Variants in VTI1A observed in about 807,000 individuals in gnomAD.
VTI1A encodes vesicle transport through interaction with t-SNAREs homolog 1A.
A neutral mutation model predicts 34.9 loss-of-function variants in VTI1A; 22 were observed. The ratio of observed to expected loss-of-function variants is 0.63; its 90% confidence interval spans 0.45 to 0.90. VTI1A has a LOEUF of 0.90. Among genes scored for constraint, VTI1A ranks in the 40% least tolerant of loss-of-function variants. VTI1A has a pLI of 0.00. For missense variants in VTI1A, 268 were observed against 275.6 expected (o/e 0.97, Z 0.20); for synonymous variants, 87 against 97.3 (o/e 0.89, Z 0.62).
intron 5 of VTI1A, among the ~76,000 whole-genome samples, chr10:112,660,300 C>A (rs1473771777): frequency 1.3e-5 from 2 of 152,094 alleles, no homozygotes; most frequent in African/African-American, 2.4e-5. Context: ...GGGTTTCACC[C>A]TGTTGGCCAG....
chr10:112,819,595 C>T (rs745921641), downstream of VTI1A, among the ~76,000 whole-genome samples: 2 of 152,144 alleles, frequency 1.3e-5, no homozygotes, highest in Non-Finnish European at 2.9e-5. Flanking sequence ...TTACAAACAG[C>T]GCTTCCCTAA....
chr10:112,604,010 T>G (rs1286059568), intron 5 of VTI1A, among the ~76,000 whole-genome samples: 1 of 152,212 alleles, frequency 6.6e-6, no homozygotes, highest in Admixed American at 6.5e-5. Context: ...TGTGAGGCTG[T>G]CAGTGCCAGA....
chr10:112,736,064 A>G (rs1039528728), intron 7 of VTI1A, among the ~76,000 whole-genome samples: 3 of 144,704 alleles, frequency 2.1e-5, no homozygotes, highest in Middle Eastern at 3.6e-3. Flanking sequence ...TGTATAATAT[A>G]TTTTATATTT....
chr10:112,522,462 G>T (rs139335318), intron 3 of VTI1A, among the ~76,000 whole-genome samples: 11 of 152,160 alleles, frequency 7.2e-5, no homozygotes, highest in Non-Finnish European at 1.5e-5. Flanking sequence ...TTAGAATAAA[G>T]GGCTTGCTTA....
intron 7 of VTI1A, among the ~76,000 whole-genome samples, chr10:112,780,321 T>TAAATAAATAAAA (rs916963926): frequency 7.7e-5 from 10 of 130,238 alleles, no homozygotes; most frequent in South Asian, 2.5e-4. Context: ...AATAAATAAA[T>TAAATAAATAAAA]AAAATAATAA....
intron 5 of VTI1A, among the ~76,000 whole-genome samples, chr10:112,560,926 T>A (rs368378938): frequency 3.9e-4 from 60 of 152,070 alleles, no homozygotes; most frequent in African/African-American, 1.4e-3. Context: ...AGTTTCTCAC[T>A]AACCTTTAGC....
chr10:112,835,709 C>T, the VTI1A span, among the ~76,000 whole-genome samples: 1 of 151,810 alleles, frequency 6.6e-6, no homozygotes, highest in Admixed American at 6.6e-5. Context: ...CAAAATAAGC[C>T]TTAAAGCAAT....
At chr10:112,724,508 C>T (rs1043919717) in intron 7 of VTI1A, among the ~76,000 whole-genome samples, 2 of 151,994 alleles carry the variant, frequency 1.3e-5, no homozygotes, top group Admixed American at 6.6e-5. Flanking sequence ...CTCCTCCAAC[C>T]AATCAGAAAG....
chr10:112,485,054 G>A (rs1319210573), intron 3 of VTI1A: 5 of 152,016 alleles, frequency 3.3e-5, no homozygotes, highest in Admixed American at 2.6e-4. Flanking sequence ...GCCGAGGTGG[G>A]TGGATCACCT....
intron 5 of VTI1A, among the ~76,000 whole-genome samples, chr10:112,614,376 G>A (rs973272341): frequency 6.6e-6 from 1 of 152,164 alleles, no homozygotes; most frequent in Non-Finnish European, 1.5e-5. Flanking sequence ...CTACACTTGA[G>A]GGGGAGAAAG....
chr10:112,564,974 T>C (rs1851859480), intron 5 of VTI1A, among the ~76,000 whole-genome samples: 1 of 152,134 alleles, frequency 6.6e-6, no homozygotes, highest in East Asian at 1.9e-4. Flanking sequence ...TGAATGCTAA[T>C]GTTAAAAAAA....
At chr10:112,772,261 G>A (rs1851833388) in intron 7 of VTI1A, among the ~76,000 whole-genome samples, 1 of 152,178 alleles carries the variant, frequency 6.6e-6, no homozygotes, top group South Asian at 2.1e-4. Context: ...GATGAGAAGT[G>A]GTATCTGATT....
intron 7 of VTI1A, among the ~76,000 whole-genome samples, chr10:112,795,386 A>G (rs1167563567): frequency 2.0e-5 from 3 of 151,516 alleles, no homozygotes; most frequent in East Asian, 1.9e-4. Context: ...ATTTTTAAAT[A>G]ATTTTTACCC....
At chr10:112,781,904 C>T (rs1852142245) in intron 7 of VTI1A, among the ~76,000 whole-genome samples, 1 of 152,068 alleles carries the variant, frequency 6.6e-6, no homozygotes, top group Non-Finnish European at 1.5e-5. Flanking sequence ...GTCCGAGGCT[C>T]TTCCTGCCCA....
intron 5 of VTI1A, among the ~76,000 whole-genome samples, chr10:112,621,283 T>G (rs889958103): frequency 5.9e-5 from 9 of 152,208 alleles, no homozygotes; most frequent in African/African-American, 2.2e-4. Context: ...GATTACACAT[T>G]AGCATATTAA....
At chr10:112,797,555 GAA>G (rs5787977) in intron 7 of VTI1A, among the ~76,000 whole-genome samples, 55 of 150,570 alleles carry the variant, frequency 3.7e-4, no homozygotes, top group African/African-American at 1.3e-3. Flanking sequence ...GGAGATTCAA[GAA>G]AAAAAAAAAT....
chr10:112,670,865 A>C (rs1385028089), intron 7 of VTI1A, among the ~76,000 whole-genome samples: 2 of 152,166 alleles, frequency 1.3e-5, no homozygotes, highest in Non-Finnish European at 2.9e-5. Flanking sequence ...ATCTGAACCA[A>C]GGGTATGCTT....
At chr10:112,758,679 C>G (rs1385445295) in intron 7 of VTI1A, among the ~76,000 whole-genome samples, 2 of 152,206 alleles carry the variant, frequency 1.3e-5, no homozygotes, top group Non-Finnish European at 2.9e-5. Flanking sequence ...GGGCCATTCC[C>G]CTTGCTTACT....
intron 5 of VTI1A, among the ~76,000 whole-genome samples, chr10:112,656,577 G>A (rs1847239778): frequency 7.1e-6 from 1 of 141,000 alleles, no homozygotes; most frequent in South Asian, 2.3e-4. Flanking sequence ...CATTGCCCAG[G>A]CTCATCTCAA....
Sources: gnomAD v4.1 joint callset for allele counts (sites outside exome capture counted in the v4.1 genomes callset) on GRCh38, gnomAD v4.1.1 for gene constraint, MANE v1.5 for transcripts, NCBI Gene and HGNC (gene_info 2026-07-23, HGNC 2026-07-21) for gene names.